Variants in L3MBTL3 observed in about 807,000 individuals in gnomAD.
L3MBTL3 encodes L3MBTL histone methyl-lysine binding protein 3.
Under a neutral mutation model 102.3 loss-of-function variants are expected in L3MBTL3, and 27 were observed. The observed-to-expected ratio is 0.26, with a 90% CI of 0.19 to 0.36. The LOEUF (loss-of-function observed/expected upper bound fraction) is 0.36. Among genes scored for constraint, L3MBTL3 ranks in the 10% least tolerant of loss-of-function variants. The pLI, the probability that L3MBTL3 is intolerant of heterozygous loss-of-function variation, is 1.00. For missense variants in L3MBTL3, 798 were observed against 955.3 expected, an observed-to-expected ratio of 0.84 and a Z score of 2.17; for synonymous variants, 340 against 320.9, an observed-to-expected ratio of 1.06 and a Z score of -0.64.
intron 2 of L3MBTL3, among the ~76,000 whole-genome samples, chr6:130,025,261 GT>G (rs2114478621): frequency 6.6e-6 from 1 of 152,268 alleles, no homozygotes; most frequent in Non-Finnish European, 1.5e-5. Flanking sequence ...ACATTTATAT[GT>G]GACATCTTGA....
chr6:130,047,187 T>C (rs1444671761), intron 3 of L3MBTL3, among the ~76,000 whole-genome samples: 1 of 152,190 alleles, frequency 6.6e-6, no homozygotes, highest in African/African-American at 2.4e-5. Context: ...ATCATAATTT[T>C]GCATATATTT....
rs528967375 is a variant in L3MBTL3 at position 130,065,105 on chromosome 6, T to G, written c.865-1248T>G. Reference sequence around the variant, plus strand: ...TCTCTCTGGGGGGAGTCAGCTTAGTTGTAAATTTGATGTATGTGGTATATC... The same window carrying G: ...TCTCTCTGGGGGGAGTCAGCTTAGTGGTAAATTTGATGTATGTGGTATATC... On this transcript the variant is annotated intron_variant, in intron 10 of 22. Coordinates refer to ENST00000361794, the MANE Select transcript of L3MBTL3 (RefSeq NM_032438.4). Among the ~76,000 whole-genome samples the G allele has an allele frequency of 3.3e-5, 5 of 152,214 alleles. No individual in the cohort carries two copies. The South Asian group carries it at 1.0e-3, about 32-fold the overall frequency.
rs1270797266 is a variant in L3MBTL3, at chr6:130,133,406, C to T, written c.1967-46C>T. The T allele has an allele frequency of 6.3e-7, 1 of 1,598,972 alleles. No homozygotes were observed. On this transcript the variant is annotated intron_variant, in intron 20 of 22. Transcript: ENST00000361794. This position sits in a 1 kb window ranked among gnomAD's most constrained non-coding sequence, Gnocchi z 4.9. ...GGAGATGCACGGCATTTGGGGCTTT[C>T]TTGCTGCTTTCAGAGAGTGATTTCC...
At chr6:130,055,502 C>CCA in intron 8 of L3MBTL3, among the ~76,000 whole-genome samples, 2 of 141,752 alleles carry the variant, frequency 1.4e-5, no homozygotes, top group Admixed American at 7.0e-5. Context: ...CTCCCTCCCT[C>CCA]TCTCCCTGCC....
chr6:130,134,325 T>G (rs1199863458), intron 22 of L3MBTL3, among the ~76,000 whole-genome samples: 1 of 152,196 alleles, frequency 6.6e-6, no homozygotes, highest in Non-Finnish European at 1.5e-5. Flanking sequence ...CCATTTGAGG[T>G]TTATAATAAG....
chr6:130,060,440 A>G lies in L3MBTL3; in HGVS notation c.864+300A>G, dbSNP rs1477720366. 5.9e-5 allele frequency among the ~76,000 whole-genome samples: 9 copies of G among 152,282 alleles called. No individual in the cohort carries two copies. In the East Asian group the frequency reaches 1.5e-3, roughly 26 times the overall value. ...TGTCTGATGCCATAGCCCTTGCCAT[A>G]AGGAATAGACCAACAGATACTTGTG... On this transcript the variant is annotated intron_variant, in intron 10 of 22. Transcript: ENST00000361794.
intron 20 of L3MBTL3, among the ~76,000 whole-genome samples, chr6:130,122,120 AT>A (rs1293284994): frequency 6.6e-6 from 1 of 152,184 alleles, no homozygotes; most frequent in Non-Finnish European, 1.5e-5. Context: ...ATAATTATTT[AT>A]TTTTTATAAG....
intron 3 of L3MBTL3, among the ~76,000 whole-genome samples, chr6:130,048,912 C>T (rs1334978712): frequency 2.0e-5 from 3 of 146,618 alleles, no homozygotes; most frequent in South Asian, 4.3e-4. Flanking sequence ...ATAAAAAATA[C>T]GACGTAAGAA....
intron 10 of L3MBTL3, among the ~76,000 whole-genome samples, chr6:130,061,542 A>G (rs76283047): frequency 6.6e-6 from 1 of 152,238 alleles, no homozygotes; most frequent in Non-Finnish European, 1.5e-5. Flanking sequence ...TCTCTTACTC[A>G]TATCAGAAAA....
chr6:130,103,256 A>G (rs887105418), intron 18 of L3MBTL3, among the ~76,000 whole-genome samples: 1 of 152,210 alleles, frequency 6.6e-6, no homozygotes, highest in African/African-American at 2.4e-5. Context: ...TCAGCACATG[A>G]TCAGATGTTA....
At chr6:130,021,866 T>C (rs1343528213) in intron 1 of L3MBTL3, among the ~76,000 whole-genome samples, 1 of 152,236 alleles carries the variant, frequency 6.6e-6, no homozygotes, top group African/African-American at 2.4e-5. Flanking sequence ...AAAAATTTTA[T>C]GTAATATCTA....
At chr6:130,027,510 T>C (rs1180857860) in intron 2 of L3MBTL3, among the ~76,000 whole-genome samples, 1 of 152,134 alleles carries the variant, frequency 6.6e-6, no homozygotes, top group Non-Finnish European at 1.5e-5. Context: ...TTCACCGTAT[T>C]GGTTTGTGGT....
Position 130,049,748 on chromosome 6 carries a change from A to G in L3MBTL3, c.215-8A>G. The G allele has an allele frequency of 6.2e-7, 1 of 1,613,896 alleles. No individual in the cohort carries two copies. Among genetic ancestry groups the G allele is most frequent in the Non-Finnish European group, 8.5e-7 (1 of 1,179,928 alleles). ...ATATGCTGATGACTCCTAAATCTAC[A>G]TCTCCAGCCCCGACCTCTCCCCCGA... is the stretch of plus-strand genomic sequence containing the variant. On this transcript the variant is annotated splice_region_variant and splice_polypyrimidine_tract_variant and intron_variant, in intron 4 of 22. Coordinates refer to ENST00000361794, the MANE Select transcript of L3MBTL3 (RefSeq NM_032438.4).
intron 2 of L3MBTL3, among the ~76,000 whole-genome samples, chr6:130,030,039 A>G (rs1279486675): frequency 6.6e-6 from 1 of 152,060 alleles, no homozygotes; most frequent in Non-Finnish European, 1.5e-5. Context: ...TTGTATTTTC[A>G]GTAGAGATAG....
intron 19 of L3MBTL3, among the ~76,000 whole-genome samples, chr6:130,116,568 C>T (rs1284667726): frequency 6.6e-6 from 1 of 152,056 alleles, no homozygotes; most frequent in Non-Finnish European, 1.5e-5. Flanking sequence ...CCCTGAGCAA[C>T]ATAGTGACAC....
At chr6:130,082,053 T>TA (rs1440360120) in intron 14 of L3MBTL3, among the ~76,000 whole-genome samples, 1 of 151,888 alleles carries the variant, frequency 6.6e-6, no homozygotes, top group East Asian at 1.9e-4. Flanking sequence ...ATCATAGACA[T>TA]AGTGCTGTGT....
chr6:130,029,747 G>A (rs932849509), intron 2 of L3MBTL3, among the ~76,000 whole-genome samples: 1 of 152,068 alleles, frequency 6.6e-6, no homozygotes, highest in Non-Finnish European at 1.5e-5. Context: ...CCTCTGCCCT[G>A]TGAGACTTCA....
At chr6:130,028,842 A>G (rs1779526550) in intron 2 of L3MBTL3, among the ~76,000 whole-genome samples, 1 of 152,126 alleles carries the variant, frequency 6.6e-6, no homozygotes, top group African/African-American at 2.4e-5. Flanking sequence ...ATATAAGGAG[A>G]GTTTCTTGGA....
intron 15 of L3MBTL3, among the ~76,000 whole-genome samples, 141 bp from the exon 16 acceptor site, chr6:130,085,981 GGCCTCAAGTGATCCGCCC>G (rs11269609): frequency 0.041 from 6,168 of 152,144 alleles, 426 homozygotes; most frequent in African/African-American, 0.14. Flanking sequence ...TCAAACTCCT[GGCCTCAAGTGATCCGCCC>G]GCCTCAGCCT....
Sources: allele counts gnomAD v4.1 joint callset (sites outside exome capture counted in the v4.1 genomes callset), GRCh38; gene constraint gnomAD v4.1.1; non-coding constraint Gnocchi (gnomAD v3.1); transcripts MANE v1.5; gene names NCBI Gene and HGNC (gene_info 2026-07-23, HGNC 2026-07-21).